Variants in NOL4 observed in about 807,000 individuals in gnomAD.
NOL4 encodes nucleolar protein 4.
NOL4 carries 17 observed loss-of-function variants against 75.9 expected under a neutral mutation model. The observed-to-expected ratio is 0.22, with a 90% CI of 0.15 to 0.34. The LOEUF (loss-of-function observed/expected upper bound fraction) is 0.34, where lower values mean the gene tolerates loss of function less well. NOL4 is among the 10% of genes least tolerant of loss of function. NOL4 has a pLI of 1.00. For missense variants in NOL4, 614 were observed against 793.5 expected (o/e 0.77, Z 2.72); for synonymous variants, 292 against 289.9 (o/e 1.01, Z -0.07).
chr18:33,988,403 G>A (rs2072638543), intron 6 of NOL4, among the ~76,000 whole-genome samples: 1 of 152,032 alleles, frequency 6.6e-6, no homozygotes, highest in African/African-American at 2.4e-5. Flanking sequence ...AAAGATACTT[G>A]AGACCTGATC....
chr18:34,057,777 G>T (rs1438716003), intron 5 of NOL4, among the ~76,000 whole-genome samples: 1 of 152,054 alleles, frequency 6.6e-6, no homozygotes, highest in Non-Finnish European at 1.5e-5. Context: ...CATTGCTATG[G>T]AAATAGCAAG....
chr18:33,931,568 A>AT (rs199817874), intron 9 of NOL4, among the ~76,000 whole-genome samples: 94 of 151,012 alleles, frequency 6.2e-4, no homozygotes, highest in South Asian at 1.3e-3. Context: ...CTGTCTCTAA[A>AT]TTTTTTTGTT....
At chr18:33,991,594 G>A (rs572022208) in intron 6 of NOL4, among the ~76,000 whole-genome samples, 2 of 152,030 alleles carry the variant, frequency 1.3e-5, no homozygotes, top group South Asian at 2.1e-4. Context: ...AGGTGAGATA[G>A]GGAGGGGAAT....
chr18:33,901,415 G>A (rs2065743275), intron 9 of NOL4, among the ~76,000 whole-genome samples: 1 of 152,076 alleles, frequency 6.6e-6, no homozygotes, highest in African/African-American at 2.4e-5. Flanking sequence ...GACTGGCTTT[G>A]TTTAATACCT....
At chr18:34,006,304 A>C (rs1257541634) in intron 6 of NOL4, among the ~76,000 whole-genome samples, 1 of 152,134 alleles carries the variant, frequency 6.6e-6, no homozygotes, top group African/African-American at 2.4e-5. Context: ...GGGTGCCCAG[A>C]TAGCTGGTAA....
At chr18:33,955,348 T>C (rs1207595741) in intron 8 of NOL4, among the ~76,000 whole-genome samples, 1 of 152,100 alleles carries the variant, frequency 6.6e-6, no homozygotes, top group East Asian at 1.9e-4. Flanking sequence ...ATCCCTCTAC[T>C]GTGAGCTGTG....
chr18:34,213,364 A>G (rs1369935234), intron 1 of NOL4, among the ~76,000 whole-genome samples: 2 of 152,150 alleles, frequency 1.3e-5, no homozygotes, highest in African/African-American at 4.8e-5. Flanking sequence ...ATCTTGGCTC[A>G]CTGCAACCTC....
intron 6 of NOL4, among the ~76,000 whole-genome samples, chr18:34,008,780 C>T (rs138094988): frequency 2.6e-5 from 4 of 151,962 alleles, no homozygotes; most frequent in African/African-American, 7.2e-5. Context: ...CTACACCTTG[C>T]CTGAAAGAGA....
At chr18:33,975,507 C>CT (rs1169082159) in intron 6 of NOL4, among the ~76,000 whole-genome samples, 2 of 152,304 alleles carry the variant, frequency 1.3e-5, no homozygotes, top group African/African-American at 4.8e-5. Flanking sequence ...GGTGCAGTGG[C>CT]TCATGCCTGT....
At chr18:34,140,172 A>G (rs1431733783) in intron 1 of NOL4, among the ~76,000 whole-genome samples, 1 of 152,136 alleles carries the variant, frequency 6.6e-6, no homozygotes, top group African/African-American at 2.4e-5. Context: ...TGGGGCAGAG[A>G]GTTCTGTAGA....
intron 5 of NOL4, among the ~76,000 whole-genome samples, chr18:34,062,014 G>A (rs2077082767): frequency 6.6e-6 from 1 of 151,908 alleles, no homozygotes; most frequent in Non-Finnish European, 1.5e-5. Context: ...AGCCTACCAA[G>A]ATAGGAAAAA....
chr18:34,206,011 C>T (rs2146522800), intron 1 of NOL4, among the ~76,000 whole-genome samples: 1 of 152,250 alleles, frequency 6.6e-6, no homozygotes, highest in African/African-American at 2.4e-5. Flanking sequence ...GCTTAAGGTG[C>T]ATCCCACACA....
chr18:34,133,264 C>A (rs867136828), intron 1 of NOL4, among the ~76,000 whole-genome samples: 8 of 139,776 alleles, frequency 5.7e-5, no homozygotes, highest in Non-Finnish European at 7.6e-5. Flanking sequence ...AAGAGCAAAA[C>A]TCCGTCTCAA....
At chr18:33,924,679 C>T (rs1007016245) in intron 9 of NOL4, among the ~76,000 whole-genome samples, 5 of 152,084 alleles carry the variant, frequency 3.3e-5, no homozygotes, top group East Asian at 3.9e-4. Flanking sequence ...ATAAAATTGT[C>T]GAGTCAAACA....
chr18:33,875,527 A>G (rs188144115), intron 10 of NOL4, among the ~76,000 whole-genome samples: 2 of 152,064 alleles, frequency 1.3e-5, no homozygotes, highest in African/African-American at 4.8e-5. Flanking sequence ...TTCTATTGCT[A>G]TTAAACAGGA....
intron 10 of NOL4, among the ~76,000 whole-genome samples, chr18:33,863,763 G>A (rs916136949): frequency 6.6e-6 from 1 of 152,100 alleles, no homozygotes; most frequent in African/African-American, 2.4e-5. Context: ...CTTCTAGGCA[G>A]TGCTCCAGTG....
chr18:34,164,039 C>T (rs1332009978), intron 1 of NOL4, among the ~76,000 whole-genome samples: 16 of 152,084 alleles, frequency 1.1e-4, no homozygotes, highest in African/African-American at 3.4e-4. Flanking sequence ...GCTAGCCATA[C>T]ATAGAAAGCT....
In NOL4 at chr18:34,107,797, T is replaced by G. The variant is rs912573659; in HGVS notation, c.415-2637A>C. Among the ~76,000 whole-genome samples, 3 of 152,076 alleles carry G rather than the reference T, an allele frequency of 2.0e-5. No homozygotes were observed. In the East Asian group the frequency reaches 5.8e-4, roughly 29 times the overall value. On this transcript the variant is annotated intron_variant, in intron 2 of 10. Coordinates refer to ENST00000261592, the MANE Select transcript of NOL4 (RefSeq NM_003787.5). ...GATGGTGAAATAGGAGTTTCCAGCA[T>G]TTGTCCCCTCACAGAAACATGAACT...
At chr18:33,881,654 C>G (rs1169754828) in intron 10 of NOL4, among the ~76,000 whole-genome samples, 1 of 152,122 alleles carries the variant, frequency 6.6e-6, no homozygotes, top group South Asian at 2.1e-4. Flanking sequence ...GATTCAATGC[C>G]ATCCCCATCA....
Sources: gnomAD v4.1 joint callset for allele counts (sites outside exome capture counted in the v4.1 genomes callset) on GRCh38, gnomAD v4.1.1 for gene constraint, MANE v1.5 for transcripts, NCBI Gene and HGNC (gene_info 2026-07-23, HGNC 2026-07-21) for gene names.